Variants in RPP30 observed in about 807,000 individuals in gnomAD.
The protein encoded by RPP30 is ribonuclease P/MRP subunit p30.
In RPP30, 36 loss-of-function variants were observed where a neutral mutation model predicts 38.6. That is an observed-to-expected ratio of 0.93 (90% CI 0.71 to 1.23). RPP30 has a LOEUF of 1.23. RPP30 is among the 50% of genes most tolerant of loss of function. RPP30 has a pLI of 0.00. For synonymous variants in RPP30, 126 were observed against 112.7 expected, an observed-to-expected ratio of 1.12 and a Z score of -0.75; for missense variants, 321 against 321.7, an observed-to-expected ratio of 1.00 and a Z score of 0.02.
downstream of RPP30, among the ~76,000 whole-genome samples, chr10:90,902,968 G>A (rs983165017): frequency 6.6e-5 from 10 of 152,104 alleles, no homozygotes; most frequent in African/African-American, 2.4e-4. Context: ...GTTTAGCATT[G>A]TATGTAAATT....
At chr10:90,873,545 T>A (rs1301220473) in intron 1 of RPP30, among the ~76,000 whole-genome samples, 2 of 152,212 alleles carry the variant, frequency 1.3e-5, no homozygotes, top group African/African-American at 2.4e-5. Context: ...TAAAATACCC[T>A]AAAGCCTGAT....
downstream of RPP30, among the ~76,000 whole-genome samples, chr10:90,906,292 G>A (rs796317291): frequency 7.9e-5 from 12 of 152,316 alleles, no homozygotes; most frequent in African/African-American, 2.4e-4. Context: ...ATGTGATGGC[G>A]TGGAGTGGGC....
chr10:90,879,167 A>G (rs1220183777), intron 5 of RPP30, 33 bp downstream of exon 5: 5 of 1,499,446 alleles, frequency 3.3e-6, no homozygotes, highest in East Asian at 4.5e-5. Flanking sequence ...AAAGTAGTGT[A>G]TATATGTTAT....
At chr10:90,874,028 C>T (rs10047357) in intron 1 of RPP30, among the ~76,000 whole-genome samples, 2,294 of 152,188 alleles carry the variant, frequency 0.015, 51 homozygotes, top group African/African-American at 0.052. Context: ...ATCCTGTATG[C>T]TCAACACCAG....
chr10:90,901,002 A>T lies in RPP30; in HGVS notation c.*323A>T, dbSNP rs1045812927. 1.0e-6 allele frequency: 1 copy of T among 973,950 alleles called. No homozygotes were observed. The highest frequency in any genetic ancestry group is 1.8e-5 in the African/African-American group (1 of 56,810). The allele number at this position is 973,950 out of a possible 1,614,324, so 60.3% of individuals were successfully genotyped here. On this transcript the variant is annotated 3_prime_UTR_variant, in exon 11 of 11. Coordinates refer to ENST00000371703, the MANE Select transcript of RPP30 (RefSeq NM_006413.5). Reference sequence around the variant, plus strand: ...ATTTTTGTTTCATTTTGTTTTTGAGATAGGGTCTTTGTTGCTCAGGCTGGA... The same window carrying T: ...ATTTTTGTTTCATTTTGTTTTTGAGTTAGGGTCTTTGTTGCTCAGGCTGGA...
intron 5 of RPP30, among the ~76,000 whole-genome samples, chr10:90,882,479 C>T (rs555020532): frequency 4.8e-4 from 73 of 151,886 alleles, no homozygotes; most frequent in African/African-American, 1.2e-3. Flanking sequence ...CTGGCTAACA[C>T]GGTGAAACCC....
chr10:90,873,037 C>T (rs1187612334), intron 1 of RPP30, among the ~76,000 whole-genome samples: 2 of 152,122 alleles, frequency 1.3e-5, no homozygotes, highest in Non-Finnish European at 2.9e-5. Context: ...TGTAGTTTGT[C>T]GCAATTATTA....
chr10:90,886,333 A>G (rs1010688398), intron 6 of RPP30, among the ~76,000 whole-genome samples: 1 of 152,180 alleles, frequency 6.6e-6, no homozygotes, highest in African/African-American at 2.4e-5. Flanking sequence ...GGTCTATGCA[A>G]AATTAAAATC....
chr10:90,887,243 C>T (rs1847014373), intron 6 of RPP30, among the ~76,000 whole-genome samples: 2 of 152,054 alleles, frequency 1.3e-5, no homozygotes, highest in Admixed American at 6.5e-5. Context: ...GCTCAGCTTA[C>T]AGGCATGAGC....
At chr10:90,896,031 A>G (rs1343973778) in intron 9 of RPP30, 114 bp downstream of exon 9, 10 of 794,850 alleles carry the variant, frequency 1.3e-5, no homozygotes, top group Non-Finnish European at 2.1e-5. Context: ...AAGTTTACCA[A>G]TTAATAACTT....
At chr10:90,872,167 T>C (rs1009239936) in intron 1 of RPP30, 99 bp downstream of exon 1, 2 of 1,009,840 alleles carry the variant, frequency 2.0e-6, no homozygotes, top group Admixed American at 1.8e-5. Context: ...CGGTCAGGTC[T>C]CCCAGAGTCT....
intron 4 of RPP30, among the ~76,000 whole-genome samples, chr10:90,876,935 T>A (rs910025961): frequency 6.6e-6 from 1 of 152,122 alleles, no homozygotes; most frequent in African/African-American, 2.4e-5. Flanking sequence ...AGGTAGGTAA[T>A]GGTGTACCAT....
intron 4 of RPP30, among the ~76,000 whole-genome samples, chr10:90,877,826 A>C (rs964270882): frequency 1.3e-5 from 2 of 152,202 alleles, no homozygotes; most frequent in African/African-American, 4.8e-5. Context: ...TTGTTTCTTA[A>C]ATGAGAGAGG....
chr10:90,901,852 T>C lies in RPP30; in HGVS notation c.*1173T>C. 1.1e-6 allele frequency: 1 copy of C among 891,172 alleles called. No individual in the cohort carries two copies. The highest frequency in any genetic ancestry group is 5.2e-5 in the South Asian group (1 of 19,264). 55.2% of individuals were successfully genotyped at this position (891,172 alleles called of 1,614,324 possible). ...TTTTTTTTTTTTGAGACAGTCTCGC[T>C]CTGTCCCCCAGGCTGGAGTGCAGTG... On this transcript the variant is annotated 3_prime_UTR_variant, in exon 11 of 11. Coordinates refer to ENST00000371703, the MANE Select transcript of RPP30 (RefSeq NM_006413.5).
intron 5 of RPP30, among the ~76,000 whole-genome samples, chr10:90,881,128 T>TA (rs1846922968): frequency 6.6e-6 from 1 of 152,240 alleles, no homozygotes; most frequent in Admixed American, 6.5e-5. Flanking sequence ...TCATGCAACT[T>TA]ACATTTCCAT....
intron 7 of RPP30, 66 bp from the exon 8 acceptor site, chr10:90,895,388 T>A (rs1032452242): frequency 2.2e-6 from 2 of 896,626 alleles, no homozygotes; most frequent in Non-Finnish European, 3.4e-6. Flanking sequence ...TACTGGCTAT[T>A]TATATTATGA....
chr10:90,885,225 A>G (rs970536049), intron 5 of RPP30, among the ~76,000 whole-genome samples: 5 of 152,202 alleles, frequency 3.3e-5, no homozygotes, highest in Admixed American at 3.3e-4. Flanking sequence ...AAATGCATTC[A>G]TTATCATTTG....
At chr10:90,898,291 A>G (rs1847166275) in intron 10 of RPP30, among the ~76,000 whole-genome samples, 1 of 152,186 alleles carries the variant, frequency 6.6e-6, no homozygotes, top group Non-Finnish European at 1.5e-5. Flanking sequence ...GGACAGTTCT[A>G]GTTTATGCCT....
downstream of RPP30, chr10:90,903,379 T>C: frequency 1.5e-6 from 1 of 671,666 alleles, no homozygotes; most frequent in Non-Finnish European, 2.6e-6. Context: ...GAATTAGTGA[T>C]GTACCAGCTA....
Sources: gnomAD v4.1 joint callset for allele counts (sites outside exome capture counted in the v4.1 genomes callset) on GRCh38, gnomAD v4.1.1 for gene constraint, MANE v1.5 for transcripts, NCBI Gene and HGNC (gene_info 2026-07-23, HGNC 2026-07-21) for gene names.